MAF: variants seen among roughly 807,000 people sequenced by gnomAD.
MAF encodes transcription factor Maf.
A neutral mutation model predicts 22.0 loss-of-function variants in MAF; 10 were observed. The ratio of observed to expected loss-of-function variants is 0.45; its 90% CI spans 0.28 to 0.77. MAF has a LOEUF of 0.77. Among genes scored for constraint, MAF ranks in the 30% least tolerant of loss-of-function variants. The probability of loss-of-function intolerance (pLI) is 0.12; values close to 1 mark genes in which losing one functional copy is unlikely to be tolerated. For synonymous variants in MAF, 337 were observed against 255.8 expected, an observed-to-expected ratio of 1.32 and a Z score of -3.03; for missense variants, 544 against 548.4, an observed-to-expected ratio of 0.99 and a Z score of 0.08.
chr16:79,409,061 G>T, the MAF span, among the ~76,000 whole-genome samples: 4 of 151,930 alleles, frequency 2.6e-5, no homozygotes, highest in East Asian at 7.8e-4. Context: ...AGACTACAGT[G>T]TGAACAGCAC....
the MAF span, among the ~76,000 whole-genome samples, chr16:79,576,016 C>G: frequency 1.3e-5 from 2 of 151,958 alleles, no homozygotes; most frequent in Non-Finnish European, 2.9e-5. Flanking sequence ...TACTCATGAG[C>G]CACTCCCACT....
chr16:79,451,151 C>G, the MAF span, among the ~76,000 whole-genome samples: 2 of 152,172 alleles, frequency 1.3e-5, no homozygotes, highest in African/African-American at 4.8e-5. Flanking sequence ...AAAATGCTAC[C>G]CACCACCTTC....
At chr16:79,242,746 T>C in the MAF span, among the ~76,000 whole-genome samples, 1 of 152,030 alleles carries the variant, frequency 6.6e-6, no homozygotes, top group Non-Finnish European at 1.5e-5. Flanking sequence ...ATCAACAAAA[T>C]ATACATTCTT....
chr16:79,581,125 G>GT (rs144617978), downstream of MAF, among the ~76,000 whole-genome samples: 3,445 of 152,136 alleles, frequency 0.023, 134 homozygotes, highest in African/African-American at 0.078. Context: ...AGCACCTTAA[G>GT]TTTTTTTAAA....
chr16:79,271,994 C>G, the MAF span, among the ~76,000 whole-genome samples: 1 of 152,100 alleles, frequency 6.6e-6, no homozygotes, highest in Non-Finnish European at 1.5e-5. Flanking sequence ...TTGTGGCCTC[C>G]AAATTCTCCA....
the MAF span, among the ~76,000 whole-genome samples, chr16:79,414,724 G>A: frequency 1.3e-5 from 2 of 152,304 alleles, no homozygotes; most frequent in South Asian, 4.1e-4. Flanking sequence ...GATGCAGCTG[G>A]GAGCCAAGAT....
At chr16:79,229,048 C>G in the MAF span, among the ~76,000 whole-genome samples, 3 of 151,888 alleles carry the variant, frequency 2.0e-5, no homozygotes, top group African/African-American at 7.2e-5. Context: ...AAAGCCCAAT[C>G]AGCCACATTC....
At chr16:79,460,503 T>C in the MAF span, among the ~76,000 whole-genome samples, 3 of 152,232 alleles carry the variant, frequency 2.0e-5, no homozygotes, top group Admixed American at 1.3e-4. Context: ...CATTATGATA[T>C]TTTTAAGGAA....
At chr16:79,341,498 G>T in the MAF span, among the ~76,000 whole-genome samples, 1 of 152,134 alleles carries the variant, frequency 6.6e-6, no homozygotes, top group Admixed American at 6.5e-5. Context: ...AGATTGATTT[G>T]AAATTAGCCA....
chr16:79,353,418 C>T, the MAF span, among the ~76,000 whole-genome samples: 20 of 152,206 alleles, frequency 1.3e-4, 1 homozygote, highest in Admixed American at 8.5e-4. Context: ...CTTGAGCCAC[C>T]GTGCCTGGCC....
chr16:79,506,368 G>C, the MAF span, among the ~76,000 whole-genome samples: 1 of 152,140 alleles, frequency 6.6e-6, no homozygotes, highest in African/African-American at 2.4e-5. Flanking sequence ...GAAGGACTCA[G>C]GGTTTGAACA....
chr16:79,474,425 C>T, the MAF span, among the ~76,000 whole-genome samples: 1 of 152,152 alleles, frequency 6.6e-6, no homozygotes, highest in African/African-American at 2.4e-5. Flanking sequence ...AAGTGCCTGG[C>T]TGGCTGGGCA....
chr16:79,210,356 C>T, the MAF span, among the ~76,000 whole-genome samples: 1 of 152,152 alleles, frequency 6.6e-6, no homozygotes, highest in East Asian at 1.9e-4. Context: ...TCCTAGAATG[C>T]AAGCATAGTG....
At chr16:79,519,493 C>T in the MAF span, among the ~76,000 whole-genome samples, 1 of 152,190 alleles carries the variant, frequency 6.6e-6, no homozygotes, top group Non-Finnish European at 1.5e-5. Context: ...TTAGTTTCCA[C>T]CTTCAAGCAC....
chr16:79,238,749 T>G, the MAF span, among the ~76,000 whole-genome samples: 1 of 152,208 alleles, frequency 6.6e-6, no homozygotes. Flanking sequence ...GTCATTTATT[T>G]GAAACTTAAA....
chr16:79,597,866 T>C (rs1456449239), intron 1 of MAF: 1 of 1,033,456 alleles, frequency 9.7e-7, no homozygotes, highest in African/African-American at 1.7e-5. Context: ...AGTTCATTGT[T>C]GCTAAGACAA....
chr16:79,334,299 T>G, the MAF span, among the ~76,000 whole-genome samples: 1 of 152,104 alleles, frequency 6.6e-6, no homozygotes, highest in Non-Finnish European at 1.5e-5. Flanking sequence ...TGCAAAAACA[T>G]GGTCAAAGCG....
the MAF span, among the ~76,000 whole-genome samples, chr16:79,245,133 A>G: frequency 1.3e-5 from 2 of 152,064 alleles, no homozygotes; most frequent in East Asian, 3.9e-4. Flanking sequence ...AACCCAGGCA[A>G]TACCATTCAG....
the MAF span, among the ~76,000 whole-genome samples, chr16:79,493,539 C>A: frequency 1.3e-5 from 2 of 152,172 alleles, no homozygotes; most frequent in Admixed American, 6.5e-5. Flanking sequence ...CTGTTGAACT[C>A]CTGATTTCAA....
Sources: gnomAD v4.1 joint callset for allele counts (sites outside exome capture counted in the v4.1 genomes callset) on GRCh38, gnomAD v4.1.1 for gene constraint, MANE v1.5 for transcripts, NCBI Gene and HGNC (gene_info 2026-07-23, HGNC 2026-07-21) for gene names.